Variants in TYR observed in about 807,000 individuals in gnomAD.
TYR encodes LB24-AB.
In TYR, 58 loss-of-function variants were observed where a neutral mutation model predicts 51.5. That is an observed-to-expected ratio of 1.13 (90% CI 0.91 to 1.40). The LOEUF is 1.40. Among genes scored for constraint, TYR ranks in the 40% most tolerant of loss-of-function variants. The probability of loss-of-function intolerance (pLI) is 0.00; values close to 1 mark genes in which losing one functional copy is unlikely to be tolerated. For synonymous variants in TYR, 263 were observed against 235.2 expected (o/e 1.12, Z -1.08); for missense variants, 732 against 647.4 (o/e 1.13, Z -1.42).
At chr11:89,291,257 T>C (rs572539594) in intron 4 of TYR, among the ~76,000 whole-genome samples, 1 of 152,080 alleles carries the variant, frequency 6.6e-6, no homozygotes, top group African/African-American at 2.4e-5. Context: ...ATATCAATGA[T>C]GAAAGCACAC....
intron 2 of TYR, among the ~76,000 whole-genome samples, chr11:89,220,749 T>A (rs1170987528): frequency 6.6e-6 from 1 of 151,810 alleles, no homozygotes; most frequent in Non-Finnish European, 1.5e-5. Context: ...AGAGCGAAAC[T>A]CCGTCTCAAA....
intron 3 of TYR, among the ~76,000 whole-genome samples, chr11:89,275,933 A>G (rs1944648690): frequency 6.6e-6 from 1 of 151,900 alleles, no homozygotes; most frequent in East Asian, 1.9e-4. Context: ...TAAAATATGT[A>G]GGAGACAACT....
chr11:89,187,043 G>A (rs1440887117), intron 1 of TYR, among the ~76,000 whole-genome samples: 1 of 152,126 alleles, frequency 6.6e-6, no homozygotes, highest in Non-Finnish European at 1.5e-5. Context: ...CACCCAGTCT[G>A]TAGTATTTTC....
intron 3 of TYR, among the ~76,000 whole-genome samples, chr11:89,259,313 T>G (rs1340863080): frequency 6.6e-6 from 1 of 152,136 alleles, no homozygotes; most frequent in Non-Finnish European, 1.5e-5. Context: ...TACCCTGTTG[T>G]GTAGAATACT....
intron 2 of TYR, among the ~76,000 whole-genome samples, chr11:89,221,046 C>T (rs1190432621): frequency 6.6e-6 from 1 of 152,288 alleles, no homozygotes; most frequent in South Asian, 2.1e-4. Flanking sequence ...TGTGATTTGT[C>T]ATTGTCTTTG....
At chr11:89,291,154 C>A (rs1038698081) in intron 4 of TYR, among the ~76,000 whole-genome samples, 1 of 84,006 alleles carries the variant, frequency 1.2e-5, no homozygotes, top group Non-Finnish European at 3.1e-5. Context: ...ATTCCTTCAA[C>A]ATATCTTCTG....
intron 2 of TYR, among the ~76,000 whole-genome samples, chr11:89,219,135 C>A (rs1206119772): frequency 6.6e-6 from 1 of 152,072 alleles, no homozygotes; most frequent in Admixed American, 6.6e-5. Flanking sequence ...GTCTTGCATG[C>A]TGATGCACAC....
At chr11:89,256,972 C>A (rs187416467) in intron 3 of TYR, among the ~76,000 whole-genome samples, 2 of 151,728 alleles carry the variant, frequency 1.3e-5, no homozygotes, top group East Asian at 3.9e-4. Flanking sequence ...ATGGGGAATA[C>A]GGCCTAAAGC....
intron 2 of TYR, among the ~76,000 whole-genome samples, chr11:89,208,273 A>G (rs1391345989): frequency 6.6e-6 from 1 of 152,228 alleles, no homozygotes; most frequent in Non-Finnish European, 1.5e-5. Context: ...CCGTCTCAAG[A>G]AAAGAAAAAA....
chr11:89,199,135 C>T (rs1446678565), intron 2 of TYR, among the ~76,000 whole-genome samples: 8 of 152,112 alleles, frequency 5.3e-5, no homozygotes, highest in Non-Finnish European at 1.2e-4. Flanking sequence ...GTATATGTGC[C>T]ACATTTTCTT....
intron 3 of TYR, among the ~76,000 whole-genome samples, chr11:89,275,291 G>T (rs1209601133): frequency 6.6e-6 from 1 of 151,772 alleles, no homozygotes; most frequent in Non-Finnish European, 1.5e-5. Flanking sequence ...CTAATGCTTG[G>T]AACAAAACAT....
chr11:89,242,486 A>C (rs1179595876), intron 3 of TYR, among the ~76,000 whole-genome samples: 6 of 152,092 alleles, frequency 3.9e-5, no homozygotes, highest in African/African-American at 1.4e-4. Context: ...CTGGGATTAC[A>C]GGCATGAGCC....
intron 1 of TYR, among the ~76,000 whole-genome samples, chr11:89,179,293 C>G (rs1943270706): frequency 6.6e-6 from 1 of 152,070 alleles, no homozygotes; most frequent in Non-Finnish European, 1.5e-5. Flanking sequence ...TACTAAATGT[C>G]TATGGTGATT....
In TYR at chr11:89,295,218, C is replaced by T. The variant is rs1284073098; in HGVS notation, c.1442C>T (p.Ala481Val). Residue 481 changes from alanine (A) to valine (V), a missense_variant, in exon 5 of 5, where the codon GCG becomes GTG. Physicochemically the swap from Ala to Val is moderately conservative, Grantham distance 64. Coordinates refer to ENST00000263321, the MANE Select transcript of TYR (RefSeq NM_000372.5). ...CGGATCTGGTCATGGCTCCTTGGGG[C>T]GGCGATGGTAGGGGCCGTCCTCACT... ...ASRIWSWLLG[A>V]AMVGAVLTAL... 5.0e-6 allele frequency: 8 copies of T among 1,613,802 alleles called. No individual in the cohort carries two copies. The highest frequency in any genetic ancestry group is 1.3e-5 in the African/African-American group (1 of 74,902).
Position 89,178,314 on chromosome 11 carries a change from A to C in TYR, c.361A>C (p.Arg121=). The C allele has an allele frequency of 6.2e-7, 1 of 1,614,204 alleles. No individual in the cohort carries two copies. Among genetic ancestry groups the C allele is most frequent in the Non-Finnish European group, 8.5e-7 (1 of 1,180,046 alleles). Residue 121 remains arginine (R), a synonymous_variant, in exon 1 of 5, where the codon AGA becomes CGA. Transcript: ENST00000263321. The part of the protein sequence containing the change: ...NCTERRLLVR[R]NIFDLSAPEK... ...CACAGAGAGACGACTCTTGGTGAGA[A>C]GAAACATCTTCGATTTGAGTGCCCC...
At chr11:89,179,970 A>T (rs1362221738) in intron 1 of TYR, among the ~76,000 whole-genome samples, 2 of 152,186 alleles carry the variant, frequency 1.3e-5, no homozygotes, top group African/African-American at 4.8e-5. Context: ...AGAATCTTGC[A>T]CTCAATTTCC....
At chr11:89,242,966 T>C (rs912344166) in intron 3 of TYR, among the ~76,000 whole-genome samples, 7 of 152,190 alleles carry the variant, frequency 4.6e-5, no homozygotes, top group Non-Finnish European at 1.0e-4. Flanking sequence ...CTCTATATAA[T>C]GGATATCACA....
chr11:89,280,524 A>G (rs1440267638), intron 3 of TYR, among the ~76,000 whole-genome samples: 1 of 151,034 alleles, frequency 6.6e-6, no homozygotes, highest in Non-Finnish European at 1.5e-5. Flanking sequence ...ATTATTCATG[A>G]TTTTCTGCAT....
intron 3 of TYR, chr11:89,283,758 C>T (rs1186302313): frequency 6.6e-6 from 1 of 151,836 alleles, no homozygotes; most frequent in Non-Finnish European, 1.5e-5. Context: ...CTATAAATTA[C>T]TCTACAACTT....
Sources: gnomAD v4.1 joint callset for allele counts (sites outside exome capture counted in the v4.1 genomes callset) on GRCh38, gnomAD v4.1.1 for gene constraint, MANE v1.5 for transcripts, NCBI Gene and HGNC (gene_info 2026-07-23, HGNC 2026-07-21) for gene names.